Variants in SYBU observed in about 807,000 individuals in gnomAD.
SYBU encodes GOLSYN A protein.
In SYBU, 21 loss-of-function variants were observed where a neutral mutation model predicts 35.9. The observed-to-expected ratio is 0.58, with a 90% CI of 0.41 to 0.84. The LOEUF is 0.84. Among genes scored for constraint, SYBU ranks in the 40% least tolerant of loss-of-function variants. The pLI is 0.00. For missense variants in SYBU, 768 were observed against 848.2 expected (o/e 0.91, Z 1.17); for synonymous variants, 319 against 324.3 (o/e 0.98, Z 0.18).
chr8:109,612,731 G>A (rs55853436), intron 3 of SYBU, among the ~76,000 whole-genome samples: 1 of 151,798 alleles, frequency 6.6e-6, no homozygotes, highest in Non-Finnish European at 1.5e-5. Flanking sequence ...TGTAATCCCA[G>A]TACTCTGGGA....
chr8:109,601,088 C>A (rs1476793779), intron 3 of SYBU, among the ~76,000 whole-genome samples: 1 of 152,128 alleles, frequency 6.6e-6, no homozygotes, highest in Admixed American at 6.6e-5. Context: ...TTACACAAAA[C>A]CTTGAAGGGA....
intron 2 of SYBU, among the ~76,000 whole-genome samples, chr8:109,621,686 A>G (rs1812419094): frequency 6.6e-6 from 1 of 152,198 alleles, no homozygotes; most frequent in Non-Finnish European, 1.5e-5. Context: ...ATCTGGGTAT[A>G]TGTCACTTAC....
chr8:109,688,539 G>A (rs905016986), intron 1 of SYBU, among the ~76,000 whole-genome samples: 1 of 152,128 alleles, frequency 6.6e-6, no homozygotes, highest in Non-Finnish European at 1.5e-5. Context: ...TGGTGAGGGT[G>A]GCTCTGAACA....
intron 3 of SYBU, among the ~76,000 whole-genome samples, chr8:109,612,955 G>A (rs1256051712): frequency 6.7e-6 from 1 of 148,538 alleles, no homozygotes; most frequent in Non-Finnish European, 1.5e-5. Flanking sequence ...ACTCCAGCCT[G>A]GGTGACAGAG....
chr8:109,645,386 G>C (rs1359620902), upstream of SYBU: 1 of 455,818 alleles, frequency 2.2e-6, no homozygotes, highest in South Asian at 1.5e-5. Context: ...GGTTGCATCA[G>C]AAAGGCCTTC....
intron 3 of SYBU, among the ~76,000 whole-genome samples, chr8:109,589,184 C>T (rs1325020512): frequency 2.6e-5 from 4 of 151,928 alleles, no homozygotes; most frequent in African/African-American, 9.7e-5. Context: ...AAACAAAAAA[C>T]AAAACAAACA....
chr8:109,640,499 G>C (rs532856311), intron 2 of SYBU, among the ~76,000 whole-genome samples: 2 of 152,268 alleles, frequency 1.3e-5, no homozygotes, highest in South Asian at 4.1e-4. Context: ...CTGTCAGTTT[G>C]AAATGACGTG....
chr8:109,664,892 A>G (rs950486319), intron 1 of SYBU, among the ~76,000 whole-genome samples: 5 of 152,238 alleles, frequency 3.3e-5, no homozygotes, highest in African/African-American at 7.2e-5. Flanking sequence ...CCTATAGGGC[A>G]TAAATGGGGA....
At chr8:109,677,864 G>A (rs1265184253) in intron 1 of SYBU, among the ~76,000 whole-genome samples, 1 of 152,008 alleles carries the variant, frequency 6.6e-6, no homozygotes. Context: ...AGTAAGTCCG[G>A]GAGCTCACAC....
chr8:109,669,601 T>G (rs1028175219), intron 1 of SYBU, among the ~76,000 whole-genome samples: 5 of 152,184 alleles, frequency 3.3e-5, no homozygotes, highest in African/African-American at 1.2e-4. Context: ...AATTCACTTA[T>G]ACCAATTAAA....
At chr8:109,664,978 T>C (rs1816705168) in intron 1 of SYBU, among the ~76,000 whole-genome samples, 1 of 152,210 alleles carries the variant, frequency 6.6e-6, no homozygotes, top group South Asian at 2.1e-4. Context: ...TTTCCCTTCA[T>C]TGATATCCTT....
chr8:109,579,097 C>A (rs1303688085), intron 5 of SYBU, among the ~76,000 whole-genome samples: 1 of 152,140 alleles, frequency 6.6e-6, no homozygotes, highest in African/African-American at 2.4e-5. Context: ...AGGAGGAGGG[C>A]AGCCAGCTCC....
chr8:109,650,269 A>T (rs897268927), intron 1 of SYBU, among the ~76,000 whole-genome samples: 2 of 152,218 alleles, frequency 1.3e-5, no homozygotes, highest in African/African-American at 4.8e-5. Context: ...ATTAAAAACA[A>T]TATGTTCTCC....
upstream of SYBU, chr8:109,646,420 C>T (rs1815704449): frequency 3.9e-5 from 6 of 152,330 alleles, 1 homozygote; most frequent in South Asian, 1.2e-3. Context: ...TTCCCTTCTT[C>T]CTATAACTCC....
intron 6 of SYBU, 78 bp from the exon 7 acceptor site, chr8:109,576,091 A>G: frequency 7.0e-7 from 1 of 1,428,090 alleles, no homozygotes; most frequent in Non-Finnish European, 9.2e-7. Context: ...GGCAACAGGC[A>G]GTTCAGGCAG....
intron 3 of SYBU, among the ~76,000 whole-genome samples, chr8:109,613,877 A>G (rs927456971): frequency 1.3e-4 from 20 of 152,230 alleles, no homozygotes; most frequent in African/African-American, 4.8e-4. Context: ...GGTTTTCTAA[A>G]GTAACCAATC....
intron 3 of SYBU, among the ~76,000 whole-genome samples, chr8:109,602,563 A>G (rs1448422112): frequency 6.6e-6 from 1 of 151,304 alleles, no homozygotes; most frequent in East Asian, 2.0e-4. Flanking sequence ...CCTCCTGAGT[A>G]ATTGTGATTA....
intron 1 of SYBU, among the ~76,000 whole-genome samples, chr8:109,650,898 A>G (rs566586612): frequency 6.6e-6 from 1 of 152,360 alleles, no homozygotes; most frequent in South Asian, 2.1e-4. Context: ...TTGCCTTAAC[A>G]TCAATTATCC....
At chr8:109,634,333 T>C (rs886153039) in intron 2 of SYBU, among the ~76,000 whole-genome samples, 1 of 152,204 alleles carries the variant, frequency 6.6e-6, no homozygotes, top group Non-Finnish European at 1.5e-5. Context: ...CATGGTTCTA[T>C]TGTGGAGCTT....
Sources: allele counts gnomAD v4.1 joint callset (sites outside exome capture counted in the v4.1 genomes callset), GRCh38; gene constraint gnomAD v4.1.1; transcripts MANE v1.5; gene names NCBI Gene and HGNC (gene_info 2026-07-23, HGNC 2026-07-21).